Variants in SPTBN4 observed in about 807,000 individuals in gnomAD.
SPTBN4 encodes spectrin beta, non-erythrocytic 4.
Under a neutral mutation model 277.8 loss-of-function variants are expected in SPTBN4, and 96 were observed. The ratio of observed to expected loss-of-function variants is 0.35; its 90% confidence interval spans 0.29 to 0.41. The LOEUF (loss-of-function observed/expected upper bound fraction) is 0.41. SPTBN4 is among the 10% of genes least tolerant of loss of function. The probability of loss-of-function intolerance (pLI) is 1.00; values close to 1 mark genes in which losing one functional copy is unlikely to be tolerated. For synonymous variants in SPTBN4, 1,481 were observed against 1,580.3 expected (o/e 0.94, Z 1.49); for missense variants, 3,006 against 3,595.7 (o/e 0.84, Z 4.19).
At chr19:40,569,840 C>T (rs2081132744) in intron 32 of SPTBN4, 114 bp downstream of exon 32, 1 of 968,650 alleles carries the variant, frequency 1.0e-6, no homozygotes, top group African/African-American at 1.7e-5. Context: ...CTACCTGGAC[C>T]CTGCAGAGAC....
intron 22 of SPTBN4, among the ~76,000 whole-genome samples, chr19:40,552,684 A>C (rs2080932343): frequency 6.6e-6 from 1 of 152,080 alleles, no homozygotes; most frequent in Non-Finnish European, 1.5e-5. Flanking sequence ...ATCATTCTGC[A>C]GTAGGTAGAG....
chr19:40,519,914 G>C lies in SPTBN4; in HGVS notation c.3417G>C (p.Val1139=). ...LARHAALKEE[V]DQREEDYARI... ...GCCACGCTGCGCTCAAGGAGGAGGT[G>C]GACCAGCGCGAGGAAGACTATGCTC... is the stretch of plus-strand genomic sequence containing the variant. The change falls in exon 16 of 36, where the codon GTG becomes GTC. Residue 1139 remains valine, a synonymous_variant. Coordinates refer to ENST00000598249, the MANE Select transcript of SPTBN4 (RefSeq NM_020971.3). This position sits in a 1 kb window ranked among gnomAD's most constrained non-coding sequence, Gnocchi z 5.7. 6.4e-7 allele frequency: 1 copy of C among 1,556,898 alleles called. No individual in the cohort carries two copies. The highest frequency in any genetic ancestry group is 8.6e-7 in the Non-Finnish European group (1 of 1,158,814).
rs1034249746 is a variant in SPTBN4 at position 40,554,840 on chromosome 19, G to A, written c.5084+194G>A. 2.6e-6 allele frequency: 2 copies of A among 761,144 alleles called. No homozygotes were observed. Among genetic ancestry groups the A allele is most frequent in the South Asian group, 1.8e-5 (1 of 55,630 alleles). 47.1% of individuals were successfully genotyped at this position (761,144 alleles called of 1,614,324 possible). On this transcript the variant is annotated intron_variant, in intron 24 of 35. Transcript: ENST00000598249. The surrounding 1 kb of genome is among the most constrained non-coding windows in gnomAD (Gnocchi z 5.7). ...GCTCAGGGATGGTTGAGAGGGTGGGGCCAGGAGCACCTGGATTTGAGTGTA... is the reference window on the plus strand; with the variant it reads ...GCTCAGGGATGGTTGAGAGGGTGGGACCAGGAGCACCTGGATTTGAGTGTA...
intron 13 of SPTBN4, among the ~76,000 whole-genome samples, chr19:40,508,463 G>T (rs894741953): frequency 1.3e-5 from 2 of 152,152 alleles, no homozygotes; most frequent in African/African-American, 4.8e-5. Flanking sequence ...AAGGTAGGTG[G>T]ATCACATGAG....
intron 2 of SPTBN4, among the ~76,000 whole-genome samples, chr19:40,475,990 G>A (rs531219905): frequency 6.6e-6 from 1 of 152,004 alleles, no homozygotes; most frequent in African/African-American, 2.4e-5. Context: ...AGGTTGCAGT[G>A]AGCCGAGATT....
chr19:40,504,029 C>G lies in SPTBN4; in HGVS notation c.1562C>G (p.Thr521Ser). 1 of 1,613,840 alleles carries G rather than the reference C, an allele frequency of 6.2e-7. No homozygotes were observed. Among genetic ancestry groups the G allele is most frequent in the South Asian group, 1.1e-5 (1 of 91,074 alleles). ...DSVLRQWALL[T>S]GLVGARRTRL... ...GTCCTGCGCCAGTGGGCCCTGCTAA[C>G]TGGGCTTGTGGGTGCCCGGCGGACA... The change falls in exon 12 of 36, where the codon ACT becomes AGT. Residue 521 changes from threonine (T) to serine (S), a missense_variant. Around this residue, in one of 5 missense-constraint regions of SPTBN4, gnomAD observed 1,759 missense variants for 2,061.5 expected, o/e 0.85. Coordinates refer to ENST00000598249, the MANE Select transcript of SPTBN4 (RefSeq NM_020971.3).
Position 40,490,077 on chromosome 19 carries a change from C to G in SPTBN4, c.324C>G (p.Pro108=), listed in dbSNP as rs1343265326. The G allele has an allele frequency of 5.0e-6, 8 of 1,607,026 alleles. No homozygotes were observed. Among genetic ancestry groups the G allele is most frequent in the Non-Finnish European group, 6.8e-6 (8 of 1,175,668 alleles). Residue 108 remains proline (P), a splice_region_variant and synonymous_variant, in exon 4 of 36, where the codon CCC becomes CCG. Coordinates refer to ENST00000598249, the MANE Select transcript of SPTBN4 (RefSeq NM_020971.3). The surrounding 1 kb of genome is among the most constrained non-coding windows in gnomAD (Gnocchi z 4.3). ...LLEVLSGEQL[P]RPTRGRMRIH... ...GCCCACCGCCCCTGTCGCCCTAGCCCAGGCCCACGCGCGGCCGCATGCGGA... is the reference window on the plus strand; with the variant it reads ...GCCCACCGCCCCTGTCGCCCTAGCCGAGGCCCACGCGCGGCCGCATGCGGA...
chr19:40,492,290 G>A (rs1210552824), intron 4 of SPTBN4, among the ~76,000 whole-genome samples: 1 of 152,074 alleles, frequency 6.6e-6, no homozygotes, highest in Non-Finnish European at 1.5e-5. Context: ...CCTGAGACAG[G>A]GACAGGGAGA....
In SPTBN4 at chr19:40,557,010, T is replaced by G; in HGVS notation, c.5290-13T>G. ...CACTTTGCTGTACCCCCCCCCCCACTTCCTGATGGCAGGTGCTGCAGGAGA... is the reference window on the plus strand; with the variant it reads ...CACTTTGCTGTACCCCCCCCCCCACGTCCTGATGGCAGGTGCTGCAGGAGA... On this transcript the variant is annotated splice_polypyrimidine_tract_variant and intron_variant, in intron 25 of 35. Coordinates refer to ENST00000598249, the MANE Select transcript of SPTBN4 (RefSeq NM_020971.3). The G allele has an allele frequency of 8.2e-7, 1 of 1,221,112 alleles. No individual in the cohort carries two copies. Among genetic ancestry groups the G allele is most frequent in the Non-Finnish European group, 1.1e-6 (1 of 895,896 alleles). 75.6% of individuals were successfully genotyped at this position (1,221,112 alleles called of 1,614,324 possible).
intron 17 of SPTBN4, among the ~76,000 whole-genome samples, chr19:40,526,167 CT>C (rs1168105162): frequency 0.13 from 12,473 of 92,932 alleles, 351 homozygotes; most frequent in Non-Finnish European, 0.16. Flanking sequence ...AGGTGCTGTT[CT>C]TTTTTTTTTT....
intron 7 of SPTBN4, among the ~76,000 whole-genome samples, chr19:40,499,563 ATT>A (rs1026469535): frequency 1.4e-5 from 2 of 140,526 alleles, no homozygotes; most frequent in Non-Finnish European, 3.1e-5. Flanking sequence ...CTAATTTTTG[ATT>A]TTTTTTTTTT....
chr19:40,524,430 C>G (rs1261622520), intron 17 of SPTBN4: 9 of 306,182 alleles, frequency 2.9e-5, no homozygotes, highest in Non-Finnish European at 6.1e-5. Context: ...CTGTTTGAGT[C>G]CGGGAGATTG....
At chr19:40,549,980 A>G (rs922204061) in intron 21 of SPTBN4, among the ~76,000 whole-genome samples, 2 of 152,186 alleles carry the variant, frequency 1.3e-5, no homozygotes, top group African/African-American at 2.4e-5. Context: ...GAGTATGTCA[A>G]CAGAGGAGAC....
At chr19:40,469,299 C>T (rs2079858681) in intron 1 of SPTBN4, among the ~76,000 whole-genome samples, 1 of 151,888 alleles carries the variant, frequency 6.6e-6, no homozygotes, top group Non-Finnish European at 1.5e-5. Context: ...GAGTCTTACT[C>T]TGTCGCCCAG....
At chr19:40,506,496 G>C in intron 13 of SPTBN4, 110 bp downstream of exon 13, 1 of 1,434,542 alleles carries the variant, frequency 7.0e-7, no homozygotes. Flanking sequence ...CTTGTCCTTG[G>C]AGGCATTTAA....
At chr19:40,559,515 T>G (rs1407436976) in intron 26 of SPTBN4, among the ~76,000 whole-genome samples, 2 of 152,124 alleles carry the variant, frequency 1.3e-5, no homozygotes, top group Non-Finnish European at 2.9e-5. Flanking sequence ...CCTGATACAG[T>G]GGCATGCACC....
At chr19:40,500,511 A>G (rs117918185) in intron 7 of SPTBN4, among the ~76,000 whole-genome samples, 2,254 of 152,302 alleles carry the variant, frequency 0.015, 94 homozygotes, top group Admixed American at 0.096. Context: ...CAGAACAGTG[A>G]TAAAGAAGAT....
At chr19:40,470,976 G>A (rs913079269) in intron 1 of SPTBN4, among the ~76,000 whole-genome samples, 12 of 150,104 alleles carry the variant, frequency 8.0e-5, no homozygotes, top group Non-Finnish European at 1.6e-4. Flanking sequence ...TTGAGACGGA[G>A]TCTTGCTCTG....
chr19:40,518,826 T>C (rs2080489303), intron 15 of SPTBN4, among the ~76,000 whole-genome samples: 1 of 152,062 alleles, frequency 6.6e-6, no homozygotes. Flanking sequence ...AGCCTGCGAA[T>C]TGGAGGCTTC....
Sources: allele counts gnomAD v4.1 joint callset (sites outside exome capture counted in the v4.1 genomes callset), GRCh38; gene constraint gnomAD v4.1.1; regional missense constraint gnomAD v4.1.1; non-coding constraint Gnocchi (gnomAD v3.1); transcripts MANE v1.5; gene names NCBI Gene and HGNC (gene_info 2026-07-23, HGNC 2026-07-21).